The following TTYH3 variants were observed in gnomAD, a reference collection of about 807,000 sequenced individuals.
The protein encoded by TTYH3 is protein tweety homolog 3.
A neutral mutation model predicts 68.2 loss-of-function variants in TTYH3; 23 were observed. That is an observed-to-expected ratio of 0.34 (90% CI 0.24 to 0.48). The LOEUF (loss-of-function observed/expected upper bound fraction) is 0.48. TTYH3 is among the 20% of genes least tolerant of loss of function. The probability of loss-of-function intolerance (pLI) is 0.99; values close to 1 mark genes in which losing one functional copy is unlikely to be tolerated. For synonymous variants in TTYH3, 360 were observed against 332.8 expected (o/e 1.08, Z -0.89); for missense variants, 768 against 727.7 (o/e 1.06, Z -0.64).
intron 1 of TTYH3, among the ~76,000 whole-genome samples, chr7:2,642,748 CTTT>C (rs915544871): frequency 3.1e-5 from 4 of 128,156 alleles, no homozygotes; most frequent in Non-Finnish European, 3.4e-5. Flanking sequence ...TTTTTCTTTT[CTTT>C]TTTTTTTTTT....
rs372276388 is a variant in TTYH3, at chr7:2,647,197, A to C, written c.349A>C (p.Arg117=). ...GNGETSDGIH[R]ATYSLRHANR... ...CGGGGAGACCAGTGATGGCATCCAT[A>C]GGGCCACCTACTCGCTCCGCCACGC... Residue 117 remains arginine (R), a synonymous_variant, in exon 3 of 14, where the codon AGG becomes CGG. Transcript: ENST00000258796. The C allele has an allele frequency of 1.4e-5, 23 of 1,606,558 alleles. No individual in the cohort carries two copies. The highest frequency in any genetic ancestry group is 2.0e-5 in the Non-Finnish European group (23 of 1,178,132).
chr7:2,661,742 C>T lies in TTYH3; in HGVS notation c.*3C>T, dbSNP rs112743770. ...CTGACTCCAGCGGCAGCCACTAGAC[C>T]GCGCCCGGCAGCCACCCACCCCACG... On this transcript the variant is annotated 3_prime_UTR_variant, in exon 14 of 14. Coordinates refer to ENST00000258796, the MANE Select transcript of TTYH3 (RefSeq NM_025250.3). The T allele has an allele frequency of 6.3e-4, 1,008 of 1,609,778 alleles. 5 individuals are homozygous for T. In the African/African-American group the frequency reaches 0.012, roughly 19 times the overall value.
intron 10 of TTYH3, 31 bp downstream of exon 10, chr7:2,656,215 G>A: frequency 6.4e-7 from 1 of 1,555,688 alleles, no homozygotes; most frequent in Non-Finnish European, 8.7e-7. Context: ...CAGGGCCATG[G>A]CAGCTTGTAG....
At chr7:2,653,189 C>A (rs1185472848) in intron 9 of TTYH3, among the ~76,000 whole-genome samples, 179 bp downstream of exon 9, 1 of 152,140 alleles carries the variant, frequency 6.6e-6, no homozygotes, top group Non-Finnish European at 1.5e-5. Context: ...CCAGCCCTTT[C>A]CGCGTTAGGC....
chr7:2,635,531 G>A (rs1245496877), intron 1 of TTYH3, among the ~76,000 whole-genome samples: 5 of 152,216 alleles, frequency 3.3e-5, no homozygotes, highest in Non-Finnish European at 5.9e-5. Context: ...CAACAGCTAC[G>A]GACTGTGGTG....
chr7:2,639,462 C>G (rs1486777915), intron 1 of TTYH3, among the ~76,000 whole-genome samples: 1 of 152,248 alleles, frequency 6.6e-6, no homozygotes, highest in African/African-American at 2.4e-5. Flanking sequence ...CCTCCCACAG[C>G]CTCCGAGCTC....
At chr7:2,634,061 G>A (rs1785594009) in intron 1 of TTYH3, among the ~76,000 whole-genome samples, 2 of 152,216 alleles carry the variant, frequency 1.3e-5, no homozygotes, top group Admixed American at 6.5e-5. Context: ...GCTCTGCTGT[G>A]GGAGGGCTCT....
intron 1 of TTYH3, among the ~76,000 whole-genome samples, chr7:2,646,621 A>AGGATGGCGAGACCGGGGTCCCAG (rs1785990820): frequency 6.6e-6 from 1 of 152,156 alleles, no homozygotes; most frequent in Non-Finnish European, 1.5e-5. Context: ...TGCAGCCTTG[A>AGGATGGCGAGACCGGGGTCCCAG]GGATGGCGAG....
intron 1 of TTYH3, among the ~76,000 whole-genome samples, chr7:2,637,605 C>T (rs1200145376): frequency 6.6e-6 from 1 of 152,204 alleles, no homozygotes; most frequent in Non-Finnish European, 1.5e-5. Context: ...GTCAGTTCTG[C>T]TGAGGCCTCG....
At chr7:2,634,797 CA>C (rs1483726089) in intron 1 of TTYH3, among the ~76,000 whole-genome samples, 2 of 152,162 alleles carry the variant, frequency 1.3e-5, no homozygotes, top group Admixed American at 6.5e-5. Context: ...TACAGATTAG[CA>C]AACTGAGGCT....
At chr7:2,652,843 C>T (rs925628039) in intron 8 of TTYH3, 75 bp from the exon 9 acceptor site, 51 of 1,240,904 alleles carry the variant, frequency 4.1e-5, no homozygotes, top group East Asian at 1.0e-4. Flanking sequence ...GGTGTCCCCG[C>T]GTTGGAGGGT....
rs1786573738 is a variant in TTYH3 at position 2,664,661 on chromosome 7, T to G, written c.*2922T>G. The G allele has an allele frequency of 6.6e-6, 1 of 152,358 alleles. No individual in the cohort carries two copies. Among genetic ancestry groups the G allele is most frequent in the African/African-American group, 2.4e-5 (1 of 41,390 alleles). 9.4% of individuals were successfully genotyped at this position (152,358 alleles called of 1,614,324 possible). A position where few individuals can be genotyped will look rare whatever the true frequency, so the allele number is the denominator to read the frequency against. On this transcript the variant is annotated 3_prime_UTR_variant, in exon 14 of 14. Coordinates refer to ENST00000258796, the MANE Select transcript of TTYH3 (RefSeq NM_025250.3). Reference sequence around the variant, plus strand: ...TGTACTGTCGCTGTGTTTTTTTGTTTTTTTAGAACTGGGTTTGGGGGCTGA... The same window carrying G: ...TGTACTGTCGCTGTGTTTTTTTGTTGTTTTAGAACTGGGTTTGGGGGCTGA...
chr7:2,650,320 G>A (rs1343235733), intron 7 of TTYH3, among the ~76,000 whole-genome samples: 1 of 152,216 alleles, frequency 6.6e-6, no homozygotes, highest in East Asian at 1.9e-4. Flanking sequence ...GCTCACACCT[G>A]TAATCCTAGC....
At position 2,645,869 on chromosome 7, in the gene TTYH3, G is replaced by T. The variant is rs1249147093; in HGVS notation, c.124-984G>T. On this transcript the variant is annotated intron_variant, in intron 1 of 13. Coordinates refer to ENST00000258796, the MANE Select transcript of TTYH3 (RefSeq NM_025250.3). This position sits in a 1 kb window ranked among gnomAD's most constrained non-coding sequence, Gnocchi z 4.8. ...CCTCAGGACTACAGCTGGGGTGGGG[G>T]ATCCTGCCAGGACTCAGGTAGGAGA... 2.1e-6 allele frequency: 1 copy of T among 470,778 alleles called. No individual in the cohort carries two copies. The highest frequency in any genetic ancestry group is 4.4e-6 in the Non-Finnish European group (1 of 226,924). The allele number at this position is 470,778 out of a possible 1,614,324, so 29.2% of individuals were successfully genotyped here.
rs755828248 is a variant in TTYH3 at position 2,647,895 on chromosome 7, C to T, written c.627-64C>T. Reference sequence around the variant, plus strand: ...TGGCCTCAGCTCCCCCTCAAGGGCCCCTGGCGCCCCACTCCCAGGCCCCGG... The same window carrying T: ...TGGCCTCAGCTCCCCCTCAAGGGCCTCTGGCGCCCCACTCCCAGGCCCCGG... On this transcript the variant is annotated intron_variant, in intron 4 of 13. Coordinates refer to ENST00000258796, the MANE Select transcript of TTYH3 (RefSeq NM_025250.3). 4.3e-5 allele frequency: 68 copies of T among 1,575,786 alleles called. No individual in the cohort carries two copies. In the Middle Eastern group the frequency reaches 8.3e-4, roughly 19 times the overall value.
intron 1 of TTYH3, among the ~76,000 whole-genome samples, chr7:2,642,397 C>T (rs1040991346): frequency 4.6e-5 from 7 of 151,966 alleles, no homozygotes; most frequent in Middle Eastern, 3.4e-3. Flanking sequence ...CAAAAATTAG[C>T]CAAGTGTGTT....
At chr7:2,651,416 G>A (rs1425909336) in intron 7 of TTYH3, among the ~76,000 whole-genome samples, 1 of 152,198 alleles carries the variant, frequency 6.6e-6, no homozygotes, top group Non-Finnish European at 1.5e-5. Flanking sequence ...AGGGTGGAGG[G>A]GTGGGCCCGC....
intron 13 of TTYH3, among the ~76,000 whole-genome samples, chr7:2,660,975 G>C (rs545422721): frequency 1.3e-5 from 2 of 152,320 alleles, no homozygotes; most frequent in African/African-American, 4.8e-5. Flanking sequence ...CCCACGAGGT[G>C]CAGGCCAGCT....
intron 1 of TTYH3, among the ~76,000 whole-genome samples, chr7:2,636,785 G>C (rs1785667934): frequency 8.7e-6 from 1 of 114,406 alleles, no homozygotes; most frequent in Non-Finnish European, 1.7e-5. Flanking sequence ...GTGTGAAGCT[G>C]TGGGCCCTGG....
Sources: allele counts gnomAD v4.1 joint callset (sites outside exome capture counted in the v4.1 genomes callset), GRCh38; gene constraint gnomAD v4.1.1; non-coding constraint Gnocchi (gnomAD v3.1); transcripts MANE v1.5; gene names NCBI Gene and HGNC (gene_info 2026-07-23, HGNC 2026-07-21).